VPS13A: variants seen among roughly 807,000 people sequenced by gnomAD.
The protein encoded by VPS13A is intermembrane lipid transfer protein VPS13A.
A neutral mutation model predicts 390.9 loss-of-function variants in VPS13A; 264 were observed. That is an observed-to-expected ratio of 0.68 (90% CI 0.61 to 0.75). The LOEUF (loss-of-function observed/expected upper bound fraction) is 0.75. Ranked by LOEUF, VPS13A falls within the 30% of genes least tolerant of loss-of-function variation. The pLI is 0.00. For missense variants in VPS13A, 3,409 were observed against 3,733.9 expected (o/e 0.91, Z 2.27); for synonymous variants, 1,231 against 1,227.1 (o/e 1.00, Z -0.07).
chr9:77,315,134 T>C (rs1829312287), intron 37 of VPS13A, 119 bp from the exon 38 acceptor site: 3 of 878,990 alleles, frequency 3.4e-6, no homozygotes, highest in Non-Finnish European at 5.4e-6. Context: ...CCAAGAGACA[T>C]GACTTCAGAA....
chr9:77,239,421 G>T (rs1000560400), intron 19 of VPS13A, among the ~76,000 whole-genome samples: 3 of 151,706 alleles, frequency 2.0e-5, no homozygotes, highest in African/African-American at 4.8e-5. Flanking sequence ...TAAATTTTAA[G>T]ACTGTCATTA....
At chr9:77,240,478 G>GTTTTT (rs11351060) in intron 19 of VPS13A, among the ~76,000 whole-genome samples, 2 of 126,070 alleles carry the variant, frequency 1.6e-5, no homozygotes, top group African/African-American at 6.3e-5. Context: ...TTATGTTTTT[G>GTTTTT]TTTTTTTTTT....
In VPS13A at chr9:77,359,415, A is replaced by G. The variant is rs781248925; in HGVS notation, c.8105+13A>G. The G allele has an allele frequency of 6.3e-7, 1 of 1,597,264 alleles. No individual in the cohort carries two copies. The highest frequency in any genetic ancestry group is 1.1e-5 in the South Asian group (1 of 90,040). ...TATCACGTATTAAGTAAGTGTCTTAATACATTTCTTGTATATTTATTTAAT... is the reference window on the plus strand; with the variant it reads ...TATCACGTATTAAGTAAGTGTCTTAGTACATTTCTTGTATATTTATTTAAT... On this transcript the variant is annotated intron_variant, in intron 58 of 71. Coordinates refer to ENST00000360280, the MANE Select transcript of VPS13A (RefSeq NM_033305.3).
chr9:77,221,256 A>G lies in VPS13A; in HGVS notation c.1061A>G (p.His354Arg), dbSNP rs202123189. Residue 354 changes from histidine (H) to arginine (R), a missense_variant, in exon 13 of 72, where the codon CAT becomes CGT. Coordinates refer to ENST00000360280, the MANE Select transcript of VPS13A (RefSeq NM_033305.3). The part of the protein sequence containing the change: ...CPRLWMWSWK[H>R]IRKHRQKVKQ... ...AGGTTATGGATGTGGTCATGGAAGC[A>G]TATTAGAAAACATAGGCAAAAAGTG... 1.4e-5 allele frequency: 22 copies of G among 1,613,562 alleles called. No homozygotes were observed. The East Asian group carries it at 2.9e-4, about 21-fold the overall frequency.
chr9:77,287,957 A>G (rs1827428086), intron 31 of VPS13A, among the ~76,000 whole-genome samples: 2 of 152,200 alleles, frequency 1.3e-5, no homozygotes, highest in African/African-American at 4.8e-5. Context: ...TGACGAACAT[A>G]TACTGTTGTG....
At chr9:77,379,796 G>A (rs577113981) in intron 67 of VPS13A, among the ~76,000 whole-genome samples, 3 of 152,292 alleles carry the variant, frequency 2.0e-5, no homozygotes, top group East Asian at 1.9e-4. Flanking sequence ...ATAATGTTCC[G>A]TTGCACTTGA....
chr9:77,412,326 A>C (rs574763612), intron 71 of VPS13A, among the ~76,000 whole-genome samples: 2 of 152,342 alleles, frequency 1.3e-5, no homozygotes, highest in Non-Finnish European at 2.9e-5. Context: ...CCTGATGAAC[A>C]TTGATGCAAA....
chr9:77,307,870 T>C, intron 34 of VPS13A, 75 bp from the exon 35 acceptor site: 1 of 1,242,080 alleles, frequency 8.1e-7, no homozygotes, highest in South Asian at 1.3e-5. Context: ...TTTTCTCCTC[T>C]GAGAATTTTA....
In VPS13A at chr9:77,319,690, C is replaced by T; in HGVS notation, c.5415+17C>T. 7.8e-7 allele frequency: 1 copy of T among 1,281,052 alleles called. No individual in the cohort carries two copies. Among genetic ancestry groups the T allele is most frequent in the Non-Finnish European group, 1.1e-6 (1 of 885,720 alleles). The allele number at this position is 1,281,052 out of a possible 1,614,324, so 79.4% of individuals were successfully genotyped here. ...GGTATCAAGGTATATCTATATATGT[C>T]TATGTGTGTATATATATATATATGT... On this transcript the variant is annotated intron_variant, in intron 42 of 71. Coordinates refer to ENST00000360280, the MANE Select transcript of VPS13A (RefSeq NM_033305.3).
Position 77,416,421 on chromosome 9 carries a change from A to G in VPS13A, c.*415A>G, listed in dbSNP as rs1030509755. 8.1e-5 allele frequency: 15 copies of G among 185,618 alleles called. No individual in the cohort carries two copies. Among genetic ancestry groups the G allele is most frequent in the Non-Finnish European group, 1.3e-4 (11 of 87,670 alleles). 11.5% of individuals were successfully genotyped at this position (185,618 alleles called of 1,614,324 possible). On this transcript the variant is annotated 3_prime_UTR_variant, in exon 72 of 72. Coordinates refer to ENST00000360280, the MANE Select transcript of VPS13A (RefSeq NM_033305.3). ...TTGTACTTCTGTCATGCTTATTTCAAACTCCCTGAGTGATGGGTAAGAAAT... is the reference window on the plus strand; with the variant it reads ...TTGTACTTCTGTCATGCTTATTTCAGACTCCCTGAGTGATGGGTAAGAAAT...
intron 68 of VPS13A, among the ~76,000 whole-genome samples, chr9:77,391,158 T>C (rs746184560): frequency 1.3e-5 from 2 of 152,172 alleles, no homozygotes; most frequent in African/African-American, 2.4e-5. Flanking sequence ...CAACTCATGA[T>C]TTCTCTACTG....
chr9:77,300,941 C>A (rs1222198758), intron 33 of VPS13A, among the ~76,000 whole-genome samples: 2 of 152,166 alleles, frequency 1.3e-5, no homozygotes, highest in African/African-American at 4.8e-5. Context: ...AGTTCCTGCC[C>A]TCATGAAGCT....
At chr9:77,394,975 C>A (rs930768066) in intron 68 of VPS13A, among the ~76,000 whole-genome samples, 1 of 152,192 alleles carries the variant, frequency 6.6e-6, no homozygotes, top group Non-Finnish European at 1.5e-5. Flanking sequence ...TCTATCCAGA[C>A]CACTAAAACG....
intron 57 of VPS13A, 80 bp downstream of exon 57, chr9:77,358,518 A>G (rs868085292): frequency 8.0e-7 from 1 of 1,248,942 alleles, no homozygotes; most frequent in Non-Finnish European, 1.2e-6. Context: ...TATGAAGTGA[A>G]ACCATTCTTG....
chr9:77,203,808 G>T (rs571227974), intron 3 of VPS13A, among the ~76,000 whole-genome samples: 1 of 151,890 alleles, frequency 6.6e-6, no homozygotes, highest in Non-Finnish European at 1.5e-5. Context: ...TTTCATTTTG[G>T]TTATATTTTT....
At chr9:77,317,775 G>A (rs1308317325) in intron 40 of VPS13A, 77 bp downstream of exon 40, 1 of 1,121,608 alleles carries the variant, frequency 8.9e-7, no homozygotes, top group East Asian at 2.7e-5. Flanking sequence ...ATTATAGCAA[G>A]TCTTTTAATT....
intron 59 of VPS13A, among the ~76,000 whole-genome samples, chr9:77,361,161 A>G (rs553360630): frequency 3.3e-5 from 5 of 152,242 alleles, no homozygotes; most frequent in African/African-American, 1.2e-4. Flanking sequence ...TCACCCATTT[A>G]AAAGATAGGG....
At chr9:77,316,444 A>G (rs746797172) in intron 39 of VPS13A, 38 bp downstream of exon 39, 63 of 1,570,256 alleles carry the variant, frequency 4.0e-5, no homozygotes, top group Non-Finnish European at 5.2e-5. Flanking sequence ...AATTGTAACT[A>G]TTTTGGATGT....
chr9:77,414,600 G>T (rs1835086696), intron 71 of VPS13A, among the ~76,000 whole-genome samples: 1 of 151,888 alleles, frequency 6.6e-6, no homozygotes, highest in Non-Finnish European at 1.5e-5. Flanking sequence ...GGGATGGGGG[G>T]AGGGAGGAGG....
Sources: allele counts gnomAD v4.1 joint callset (sites outside exome capture counted in the v4.1 genomes callset), GRCh38; gene constraint gnomAD v4.1.1; transcripts MANE v1.5; gene names NCBI Gene and HGNC (gene_info 2026-07-23, HGNC 2026-07-21).